Variants in PCDH15 observed in about 807,000 individuals in gnomAD.
PCDH15 encodes the protein protocadherin-15.
Under a neutral mutation model 178.5 loss-of-function variants are expected in PCDH15, and 129 were observed. That is an observed-to-expected ratio of 0.72 (90% CI 0.63 to 0.84). PCDH15 has a LOEUF of 0.84. Among genes scored for constraint, PCDH15 ranks in the 40% least tolerant of loss-of-function variants. The probability of loss-of-function intolerance (pLI) is 0.00; values close to 1 mark genes in which losing one functional copy is unlikely to be tolerated. For missense variants in PCDH15, 2,230 were observed against 2,099.9 expected, an observed-to-expected ratio of 1.06 and a Z score of -1.21; for synonymous variants, 800 against 732.0, an observed-to-expected ratio of 1.09 and a Z score of -1.50.
intron 2 of PCDH15, among the ~76,000 whole-genome samples, chr10:55,433,609 C>A (rs967716794): frequency 1.3e-5 from 2 of 152,050 alleles, no homozygotes; most frequent in Admixed American, 6.6e-5. Flanking sequence ...CTAAAAGAGA[C>A]ATTTTCTGTT....
intron 15 of PCDH15, 92 bp downstream of exon 15, chr10:54,132,783 T>C: frequency 6.5e-7 from 1 of 1,536,912 alleles, no homozygotes; most frequent in Non-Finnish European, 8.8e-7. Context: ...GTGAGGTTTC[T>C]CCCTCCATAC....
intron 2 of PCDH15, among the ~76,000 whole-genome samples, chr10:54,555,627 C>T (rs1005747310): frequency 8.0e-5 from 12 of 150,168 alleles, no homozygotes; most frequent in African/African-American, 2.7e-4. Flanking sequence ...ATCCCAGCTA[C>T]TCAGGAGGCT....
rs541755522 is a variant in PCDH15, at chr10:55,598,568, A to G, written c.-156+29057T>C. ...TATATATATATATATATATATATAT[A>G]GTAAACACAAGTATGCACTAGGTCA... On this transcript the variant is annotated intron_variant, in intron 2 of 5. Transcript: ENST00000613346. 1.7e-3 allele frequency among the ~76,000 whole-genome samples: 194 copies of G among 114,876 alleles called. 3 individuals carry two copies. The highest frequency in any genetic ancestry group is 5.0e-3 in the South Asian group (17 of 3,416). The allele number at this position is 114,876 out of a possible 152,430, so 75.4% of individuals were successfully genotyped here.
At chr10:55,443,521 C>T (rs1839244315) in intron 2 of PCDH15, among the ~76,000 whole-genome samples, 1 of 152,088 alleles carries the variant, frequency 6.6e-6, no homozygotes, top group African/African-American at 2.4e-5. Context: ...GGCCAAAAAC[C>T]ATATGAAATA....
chr10:54,955,165 T>G (rs1838451604), intron 2 of PCDH15, among the ~76,000 whole-genome samples: 1 of 151,300 alleles, frequency 6.6e-6, no homozygotes, highest in Non-Finnish European at 1.5e-5. Flanking sequence ...CTGTTTTCCT[T>G]GACTAAAATA....
chr10:54,606,388 A>T (rs978504329), intron 2 of PCDH15: 16 of 152,120 alleles, frequency 1.1e-4, no homozygotes, highest in African/African-American at 3.6e-4. Context: ...AGAACTCTCA[A>T]AGCAGCTACT....
At position 54,022,876 on chromosome 10, in the gene PCDH15, G is replaced by A. The variant is rs1438601971; in HGVS notation, c.2526+16C>T. The stretch of plus-strand genomic sequence containing the variant: ...CTAATGTAGGATTCATGTAATAAAT[G>A]CTTTTTCCCACACACCTCTATTTGA... On this transcript the variant is annotated intron_variant, in intron 19 of 37. Coordinates refer to ENST00000644397, the MANE Select transcript of PCDH15 (RefSeq NM_001384140.1). 1.9e-6 allele frequency: 3 copies of A among 1,612,938 alleles called. No individual in the cohort carries two copies. The Admixed American group carries it at 5.0e-5, about 27-fold the overall frequency.
intron 10 of PCDH15, 111 bp downstream of exon 10, chr10:54,213,825 T>G: frequency 2.9e-6 from 2 of 690,380 alleles, no homozygotes; most frequent in Non-Finnish European, 5.0e-6. Flanking sequence ...GACTGACTGC[T>G]GTCCACATTA....
chr10:54,175,180 C>T (rs758631779), intron 13 of PCDH15, among the ~76,000 whole-genome samples: 4 of 152,048 alleles, frequency 2.6e-5, no homozygotes, highest in Non-Finnish European at 5.9e-5. Flanking sequence ...TTAATCATGA[C>T]ATTATACACA....
At chr10:54,802,944 T>A (rs2133717816), upstream of PCDH15, among the ~76,000 whole-genome samples, 1 of 152,316 alleles carries the variant, frequency 6.6e-6, no homozygotes, top group African/African-American at 2.4e-5. Flanking sequence ...TGACAACAGC[T>A]GATTTTCATT....
intron 2 of PCDH15, among the ~76,000 whole-genome samples, chr10:55,371,933 A>G (rs1272354912): frequency 6.6e-6 from 1 of 152,200 alleles, no homozygotes; most frequent in Non-Finnish European, 1.5e-5. Flanking sequence ...TCATGTTTAC[A>G]TTAAGATTTT....
chr10:54,215,548 A>G (rs1031547439), intron 9 of PCDH15, among the ~76,000 whole-genome samples: 1 of 152,180 alleles, frequency 6.6e-6, no homozygotes, highest in African/African-American at 2.4e-5. Flanking sequence ...ATAATAATAA[A>G]AAAATGAGCA....
intron 2 of PCDH15, among the ~76,000 whole-genome samples, chr10:55,041,889 C>A (rs780358271): frequency 3.3e-5 from 5 of 151,824 alleles, no homozygotes; most frequent in Non-Finnish European, 7.4e-5. Flanking sequence ...TTGCTTGGGC[C>A]CTAAATAGAA....
At position 55,295,520 on chromosome 10, in the gene PCDH15, G is replaced by A. The variant is rs375157047; in HGVS notation, c.-156+24079C>T. ...CATGCTACAAACTTCCCGTGCTCTC[G>A]CCTTCATAGAAAAAGGAGAAGGAAA... is the stretch of plus-strand genomic sequence containing the variant. On this transcript the variant is annotated intron_variant, in intron 1 of 5. Coordinates refer to the PCDH15 transcript ENST00000458638. Among the ~76,000 whole-genome samples the A allele has an allele frequency of 4.6e-5, 7 of 152,200 alleles. No individual in the cohort carries two copies. In the East Asian group the frequency reaches 1.2e-3, roughly 25 times the overall value.
At chr10:55,237,449 T>C (rs1814440762) in intron 1 of PCDH15, among the ~76,000 whole-genome samples, 1 of 152,168 alleles carries the variant, frequency 6.6e-6, no homozygotes, top group African/African-American at 2.4e-5. Flanking sequence ...CTTTCAGTCT[T>C]TCCATTTTAC....
At chr10:54,434,225 A>C (rs1471927583) in intron 3 of PCDH15, among the ~76,000 whole-genome samples, 1 of 149,974 alleles carries the variant, frequency 6.7e-6, no homozygotes, top group Non-Finnish European at 1.5e-5. Flanking sequence ...AAGATACAGT[A>C]AGCTAAGATT....
chr10:54,220,790 A>AC (rs1460693470), intron 9 of PCDH15, among the ~76,000 whole-genome samples: 1 of 151,760 alleles, frequency 6.6e-6, no homozygotes. Context: ...GCGCCACTGC[A>AC]CTCCAGCCTG....
At chr10:54,826,885 T>C (rs1258021890) in intron 3 of PCDH15, among the ~76,000 whole-genome samples, 1 of 152,134 alleles carries the variant, frequency 6.6e-6, no homozygotes, top group Non-Finnish European at 1.5e-5. Flanking sequence ...GTTCCTAACA[T>C]ACTTTTCTAG....
At chr10:54,861,940 C>T (rs112944788) in intron 3 of PCDH15, among the ~76,000 whole-genome samples, 1 of 152,102 alleles carries the variant, frequency 6.6e-6, no homozygotes, top group Non-Finnish European at 1.5e-5. Flanking sequence ...GGTAAATACA[C>T]CTTCAGTTAA....
Sources: gnomAD v4.1 joint callset for allele counts (sites outside exome capture counted in the v4.1 genomes callset) on GRCh38, gnomAD v4.1.1 for gene constraint, MANE v1.5 for transcripts, NCBI Gene and HGNC (gene_info 2026-07-23, HGNC 2026-07-21) for gene names.